Variants in TEAD1 observed in about 807,000 individuals in gnomAD.
The protein encoded by TEAD1 is transcriptional enhancer factor TEF-1.
In TEAD1, 9 loss-of-function variants were observed where a neutral mutation model predicts 54.9. That is an observed-to-expected ratio of 0.16 (90% CI 0.10 to 0.29). The LOEUF (loss-of-function observed/expected upper bound fraction) is 0.29. TEAD1 is among the 10% of genes least tolerant of loss of function. The pLI is 1.00. For missense variants in TEAD1, 387 were observed against 535.9 expected (o/e 0.72, Z 2.74); for synonymous variants, 200 against 187.8 (o/e 1.07, Z -0.53).
chr11:12,855,875 G>A (rs1056409964), intron 3 of TEAD1, among the ~76,000 whole-genome samples: 7 of 151,412 alleles, frequency 4.6e-5, no homozygotes, highest in African/African-American at 1.7e-4. Flanking sequence ...TTGAGCCCGG[G>A]AGATCAAGGC....
In TEAD1 at chr11:12,776,757, TTTATTATTATTATTA is replaced by T. The variant is rs71037087; in HGVS notation, c.202+12352_202+12366del. ...TTGTTCTTCAAAGCCCATTTGGATA[TTTATTATTATTATTA>T]TTATTATTATTATTATTATTATTAT... On this transcript the variant is annotated intron_variant, in intron 3 of 12. Coordinates refer to ENST00000527636, the MANE Select transcript of TEAD1 (RefSeq NM_021961.6). Among the ~76,000 whole-genome samples, 1,053 of 137,710 alleles carry T rather than the reference TTTATTATTATTATTA, an allele frequency of 7.6e-3. 6 individuals carry two copies. The highest frequency in any genetic ancestry group is 0.025 in the African/African-American group (915 of 36,094). The allele number at this position is 137,710 out of a possible 152,430, so 90.3% of individuals were successfully genotyped here.
At chr11:12,725,604 G>A (rs1189477483) in intron 2 of TEAD1, among the ~76,000 whole-genome samples, 2 of 127,658 alleles carry the variant, frequency 1.6e-5, no homozygotes, top group Admixed American at 1.5e-4. Context: ...AAAGTATTAC[G>A]TATCAGTTAA....
Position 12,935,953 on chromosome 11 carries a change from T to TG in TEAD1, c.1168-1156_1168-1155insG, listed in dbSNP as rs533844391. On this transcript the variant is annotated intron_variant, in intron 12 of 12. Coordinates refer to ENST00000527636, the MANE Select transcript of TEAD1 (RefSeq NM_021961.6). The stretch of plus-strand genomic sequence containing the variant: ...ATGAGATGTACTGCAAGACTATTCT[T>TG]TAAGTAGGGACTGGAAGCTTGGATA... 4.8e-3 allele frequency among the ~76,000 whole-genome samples: 734 copies of TG among 152,274 alleles called. 1 individual carries two copies. Among genetic ancestry groups the TG allele is most frequent in the Non-Finnish European group, 7.7e-3 (526 of 68,014 alleles).
intron 3 of TEAD1, among the ~76,000 whole-genome samples, chr11:12,775,673 C>T (rs954360201): frequency 2.6e-5 from 4 of 151,910 alleles, no homozygotes; most frequent in Admixed American, 6.6e-5. Flanking sequence ...GAAGTGTGTT[C>T]GTTGGGAGGA....
At chr11:12,729,758 C>T (rs960273510) in intron 2 of TEAD1, among the ~76,000 whole-genome samples, 1 of 152,144 alleles carries the variant, frequency 6.6e-6, no homozygotes, top group South Asian at 2.1e-4. Context: ...GATCTCTAAG[C>T]CTCCCTGATG....
rs1222739062 is a variant in TEAD1 at position 12,735,448 on chromosome 11, C to G, written c.-54-28731C>G. ...CCCTGTCCTTGGCAGAATCACACAGCTACAAAGTGGTGGAATGTGTATTCC... is the reference window on the plus strand; with the variant it reads ...CCCTGTCCTTGGCAGAATCACACAGGTACAAAGTGGTGGAATGTGTATTCC... On this transcript the variant is annotated intron_variant, in intron 2 of 12. Coordinates refer to ENST00000527636, the MANE Select transcript of TEAD1 (RefSeq NM_021961.6). 2.6e-5 allele frequency among the ~76,000 whole-genome samples: 4 copies of G among 152,184 alleles called. No individual in the cohort carries two copies. The East Asian group carries it at 7.7e-4, about 29-fold the overall frequency.
chr11:12,765,406 ATAACC>A (rs1945187082), intron 3 of TEAD1, among the ~76,000 whole-genome samples: 1 of 152,214 alleles, frequency 6.6e-6, no homozygotes, highest in African/African-American at 2.4e-5. Context: ...GCAAACACAA[ATAACC>A]TAACCTCAAA....
chr11:12,791,847 C>T (rs1337632370), intron 3 of TEAD1, among the ~76,000 whole-genome samples: 1 of 152,118 alleles, frequency 6.6e-6, no homozygotes, highest in South Asian at 2.1e-4. Context: ...GGAAGCAGCC[C>T]TATTTATTTG....
Position 12,943,222 on chromosome 11 carries a change from G to A in TEAD1, c.*6000G>A, listed in dbSNP as rs1949176882. 1 of 152,350 alleles carries A rather than the reference G, an allele frequency of 6.6e-6. No individual in the cohort carries two copies. Among genetic ancestry groups the A allele is most frequent in the African/African-American group, 2.4e-5 (1 of 41,418 alleles). The allele number at this position is 152,350 out of a possible 1,614,324, so 9.4% of individuals were successfully genotyped here. The stretch of plus-strand genomic sequence containing the variant: ...AAAAACTATCAAATGAAAAGAAAAT[G>A]TACTCAACCTAACTTATAGTTAGCA... On this transcript the variant is annotated 3_prime_UTR_variant, in exon 13 of 13. Coordinates refer to ENST00000527636, the MANE Select transcript of TEAD1 (RefSeq NM_021961.6).
At chr11:12,821,541 A>G (rs745933429) in intron 3 of TEAD1, among the ~76,000 whole-genome samples, 1 of 152,210 alleles carries the variant, frequency 6.6e-6, no homozygotes, top group Non-Finnish European at 1.5e-5. Context: ...AAATGGGAGT[A>G]CAAATGATAC....
At chr11:12,852,970 A>G (rs1242683959) in intron 3 of TEAD1, among the ~76,000 whole-genome samples, 1 of 152,168 alleles carries the variant, frequency 6.6e-6, no homozygotes, top group African/African-American at 2.4e-5. Flanking sequence ...CCCCTCATAT[A>G]CTAAGTGACT....
chr11:12,724,768 C>A (rs979796449), intron 2 of TEAD1, among the ~76,000 whole-genome samples: 5 of 152,190 alleles, frequency 3.3e-5, no homozygotes, highest in African/African-American at 1.2e-4. Context: ...CCATCCTCTC[C>A]CTGCCCTCTC....
At chr11:12,756,367 A>G (rs1331513940) in intron 2 of TEAD1, among the ~76,000 whole-genome samples, 2 of 152,158 alleles carry the variant, frequency 1.3e-5, no homozygotes, top group African/African-American at 4.8e-5. Context: ...TGACAATGAC[A>G]TACTTTCTGT....
intron 2 of TEAD1, among the ~76,000 whole-genome samples, chr11:12,733,858 G>C (rs1300299259): frequency 6.6e-6 from 1 of 152,218 alleles, no homozygotes; most frequent in Non-Finnish European, 1.5e-5. Context: ...TAATGATCCT[G>C]ACTCTGTGTA....
chr11:12,893,328 A>ACCCCCAT (rs944918309), intron 9 of TEAD1, among the ~76,000 whole-genome samples: 10 of 151,704 alleles, frequency 6.6e-5, no homozygotes, highest in Non-Finnish European at 8.8e-5. Context: ...AGTGTGGAGC[A>ACCCCCAT]CCCCCATGCC....
At chr11:12,747,453 G>T (rs1944769752) in intron 2 of TEAD1, among the ~76,000 whole-genome samples, 1 of 152,124 alleles carries the variant, frequency 6.6e-6, no homozygotes, top group Non-Finnish European at 1.5e-5. Context: ...TCCTGCCTCA[G>T]CCTCCTGAGT....
At chr11:12,704,960 C>T (rs1943783607) in intron 2 of TEAD1, among the ~76,000 whole-genome samples, 1 of 152,204 alleles carries the variant, frequency 6.6e-6, no homozygotes, top group South Asian at 2.1e-4. Flanking sequence ...ATGCCCAACT[C>T]TGTGCTTTGC....
intron 3 of TEAD1, among the ~76,000 whole-genome samples, chr11:12,781,119 A>G (rs1253187462): frequency 2.6e-5 from 4 of 152,240 alleles, no homozygotes; most frequent in Non-Finnish European, 5.9e-5. Flanking sequence ...CTTTTCAACA[A>G]ATGATGCTGA....
chr11:12,901,972 T>C lies in TEAD1; in HGVS notation c.732T>C (p.His244=), dbSNP rs371298238. The C allele has an allele frequency of 8.1e-6, 13 of 1,614,142 alleles. 1 individual carries two copies. In the Middle Eastern group the frequency reaches 8.2e-4, roughly 102 times the overall value. ...AACACCTCTTCGTGCACATTGGGCA[T>C]GCCAACCATTCTTACAGTGACCCAT... Residue 244 remains histidine (H), a synonymous_variant, in exon 10 of 13, where the codon CAT becomes CAC. Coordinates refer to ENST00000527636, the MANE Select transcript of TEAD1 (RefSeq NM_021961.6).
Sources: allele counts gnomAD v4.1 joint callset (sites outside exome capture counted in the v4.1 genomes callset), GRCh38; gene constraint gnomAD v4.1.1; transcripts MANE v1.5; gene names NCBI Gene and HGNC (gene_info 2026-07-23, HGNC 2026-07-21).